The following CLDN10 variants were observed in gnomAD, a reference collection of about 807,000 sequenced individuals.
CLDN10 encodes the protein claudin 10.
CLDN10 carries 15 observed loss-of-function variants against 22.9 expected under a neutral mutation model. The observed-to-expected ratio is 0.65, with a 90% CI of 0.44 to 1.01. CLDN10 has a LOEUF of 1.01. Among genes scored for constraint, CLDN10 ranks in the 50% least tolerant of loss-of-function variants. CLDN10 has a pLI of 0.00. For missense variants in CLDN10, 247 were observed against 287.8 expected (o/e 0.86, Z 1.03); for synonymous variants, 114 against 111.4 (o/e 1.02, Z -0.15).
In CLDN10 at chr13:95,578,263, T is replaced by C. The variant is rs901376961; in HGVS notation, c.*249T>C. On this transcript the variant is annotated 3_prime_UTR_variant, in exon 5 of 5. Transcript: ENST00000299339. ...ATTTGTAAAATGTTTTCTACATTTA[T>C]ATAGAACATGAAAAGCATTTAGTAC... 3 of 296,624 alleles carry C rather than the reference T, an allele frequency of 1.0e-5. No individual in the cohort carries two copies. Among genetic ancestry groups the C allele is most frequent in the South Asian group, 6.1e-5 (1 of 16,488 alleles). The allele number at this position is 296,624 out of a possible 1,614,324, so 18.4% of individuals were successfully genotyped here. A position where few individuals can be genotyped will look rare whatever the true frequency, so the allele number is the denominator to read the frequency against.
chr13:95,537,341 A>G (rs2043411259), intron 1 of CLDN10, among the ~76,000 whole-genome samples: 1 of 152,190 alleles, frequency 6.6e-6, no homozygotes, highest in African/African-American at 2.4e-5. Flanking sequence ...AATTCAATGA[A>G]TACCCAGTAT....
chr13:95,467,168 C>T (rs1248096315), intron 1 of CLDN10, among the ~76,000 whole-genome samples: 11 of 151,214 alleles, frequency 7.3e-5, no homozygotes, highest in Non-Finnish European at 1.0e-4. Context: ...TGAGCCACCG[C>T]GCCCAGCCAC....
chr13:95,577,791 G>T, intron 4 of CLDN10, 109 bp from the exon 5 acceptor site: 1 of 639,834 alleles, frequency 1.6e-6, no homozygotes. Flanking sequence ...CTAAGAAAGA[G>T]GAAGATTTAC....
chr13:95,486,859 A>G (rs1271103433), intron 1 of CLDN10, among the ~76,000 whole-genome samples: 2 of 152,202 alleles, frequency 1.3e-5, no homozygotes, highest in Non-Finnish European at 2.9e-5. Context: ...CTCAGTGTTC[A>G]ACATGGTGCC....
chr13:95,481,218 T>C (rs532778600), intron 1 of CLDN10, among the ~76,000 whole-genome samples: 22 of 152,280 alleles, frequency 1.4e-4, no homozygotes, highest in Middle Eastern at 3.4e-3. Flanking sequence ...CCCTTGACCT[T>C]GCAGACTCAT....
At position 95,560,112 on chromosome 13, in the gene CLDN10, A is replaced by G. The variant is rs2043686906; in HGVS notation, c.221-20A>G. The G allele has an allele frequency of 6.3e-7, 1 of 1,590,984 alleles. No homozygotes were observed. Among genetic ancestry groups the G allele is most frequent in the African/African-American group, 1.3e-5 (1 of 74,288 alleles). On this transcript the variant is annotated intron_variant, in intron 1 of 4. Transcript: ENST00000299339. Reference sequence around the variant, plus strand: ...CAGCCACATGCTTTATGTAACGTAAATGACCTACTCTAATTGCAGGTTATA... The same window carrying G: ...CAGCCACATGCTTTATGTAACGTAAGTGACCTACTCTAATTGCAGGTTATA...
chr13:95,535,313 G>A (rs908798884), intron 1 of CLDN10, among the ~76,000 whole-genome samples: 1 of 152,108 alleles, frequency 6.6e-6, no homozygotes, highest in Non-Finnish European at 1.5e-5. Context: ...GAGCCCTGGG[G>A]CAGGAAGACC....
intron 1 of CLDN10, among the ~76,000 whole-genome samples, chr13:95,447,742 C>CGTGTGTGT (rs5805934): frequency 8.5e-4 from 125 of 147,648 alleles, no homozygotes; most frequent in African/African-American, 2.7e-3. Flanking sequence ...AGTGCACATG[C>CGTGTGTGT]GTGTGTGTGT....
chr13:95,495,040 T>TTAA (rs1283336939), intron 1 of CLDN10, among the ~76,000 whole-genome samples: 2 of 151,208 alleles, frequency 1.3e-5, no homozygotes, highest in East Asian at 1.9e-4. Flanking sequence ...AATTAATTAA[T>TTAA]TAATTTTTTT....
At chr13:95,484,364 T>C (rs1489859320) in intron 1 of CLDN10, among the ~76,000 whole-genome samples, 1 of 152,224 alleles carries the variant, frequency 6.6e-6, no homozygotes, top group East Asian at 1.9e-4. Context: ...GACTGGTCTT[T>C]CTACTTCTAA....
At chr13:95,434,892 C>G (rs2042252417) in intron 1 of CLDN10, among the ~76,000 whole-genome samples, 1 of 151,720 alleles carries the variant, frequency 6.6e-6, no homozygotes, top group African/African-American at 2.4e-5. Flanking sequence ...TTTGTCACAG[C>G]CTAGATATAA....
chr13:95,525,081 A>G (rs531246833), intron 1 of CLDN10, among the ~76,000 whole-genome samples: 74 of 151,048 alleles, frequency 4.9e-4, no homozygotes, highest in Middle Eastern at 3.4e-3. Context: ...CTGGTCTCGA[A>G]CTCCCGACCT....
chr13:95,577,045 A>C (rs2043941769), intron 3 of CLDN10, among the ~76,000 whole-genome samples, 186 bp from the exon 4 acceptor site: 1 of 152,222 alleles, frequency 6.6e-6, no homozygotes. Context: ...GGATGGTCTA[A>C]TGGCTATAAA....
At chr13:95,443,642 A>G (rs760386531) in intron 1 of CLDN10, among the ~76,000 whole-genome samples, 4 of 152,172 alleles carry the variant, frequency 2.6e-5, no homozygotes, top group Non-Finnish European at 5.9e-5. Flanking sequence ...GCTCATTTTA[A>G]TACTTTCAGC....
chr13:95,453,080 T>C (rs2042447743), intron 1 of CLDN10, among the ~76,000 whole-genome samples: 1 of 152,228 alleles, frequency 6.6e-6, no homozygotes, highest in Admixed American at 6.5e-5. Context: ...GGTTTTGTTT[T>C]GTTTTGTTTT....
At chr13:95,439,891 T>C (rs1423671410) in intron 1 of CLDN10, among the ~76,000 whole-genome samples, 2 of 151,220 alleles carry the variant, frequency 1.3e-5, no homozygotes, top group Non-Finnish European at 2.9e-5. Flanking sequence ...GGAAAATTAG[T>C]AAGTTAGATG....
In CLDN10 at chr13:95,570,858, G is replaced by GTGTATA. The variant is rs60359070; in HGVS notation, c.465-6372_465-6371insGTATAT. Among the ~76,000 whole-genome samples the GTGTATA allele has an allele frequency of 2.3e-3, 270 of 119,708 alleles. 3 individuals carry two copies. The highest frequency in any genetic ancestry group is 5.0e-3 in the Middle Eastern group (1 of 202). The allele number at this position is 119,708 out of a possible 152,430, so 78.5% of individuals were successfully genotyped here. A position where few individuals can be genotyped will look rare whatever the true frequency, so the allele number is the denominator to read the frequency against. On this transcript the variant is annotated intron_variant, in intron 3 of 4. Transcript: ENST00000299339. ...CACACACACACACACATATACGTGT[G>GTGTATA]TATATATATATATATATATATATAT... is the stretch of plus-strand genomic sequence containing the variant.
chr13:95,544,452 G>C (rs1266102008), intron 1 of CLDN10, among the ~76,000 whole-genome samples: 2 of 152,190 alleles, frequency 1.3e-5, no homozygotes, highest in Non-Finnish European at 2.9e-5. Context: ...AAATCCTAGA[G>C]GTGTGGCAGT....
rs748713153 is a variant in CLDN10 at position 95,552,984 on chromosome 13, C to A, written c.220+11C>A. ...TGCTGGCGCTGGACGGTCTGCATCC[C>A]CGCGGCCCCCGCCCTCAGCCCTCCT... On this transcript the variant is annotated intron_variant, in intron 1 of 4. Transcript: ENST00000299339. The A allele has an allele frequency of 1.4e-5, 22 of 1,612,880 alleles. No homozygotes were observed. The East Asian group carries it at 4.7e-4, about 34-fold the overall frequency.
Sources: gnomAD v4.1 joint callset for allele counts (sites outside exome capture counted in the v4.1 genomes callset) on GRCh38, gnomAD v4.1.1 for gene constraint, MANE v1.5 for transcripts, NCBI Gene and HGNC (gene_info 2026-07-23, HGNC 2026-07-21) for gene names.